Variants in TRRAP observed in about 807,000 individuals in gnomAD.
TRRAP encodes transformation/transcription domain-associated protein.
A neutral mutation model predicts 438.8 loss-of-function variants in TRRAP; 41 were observed. The ratio of observed to expected loss-of-function variants is 0.09; its 90% CI spans 0.07 to 0.12. TRRAP has a LOEUF of 0.12. TRRAP is among the 10% of genes least tolerant of loss of function. The pLI, the probability that TRRAP is intolerant of heterozygous loss-of-function variation, is 1.00. For synonymous variants in TRRAP, 1,994 were observed against 1,962.9 expected, an observed-to-expected ratio of 1.02 and a Z score of -0.42; for missense variants, 3,122 against 5,055.1, an observed-to-expected ratio of 0.62 and a Z score of 11.60.
rs187927128 is a variant in TRRAP, at chr7:98,889,265, A to G, written c.151-1070A>G. ...TTAGAGATAATACCCATCTCAGACT[A>G]AATGAGAAAGACTAAAAGGTACACA... On this transcript the variant is annotated intron_variant, in intron 3 of 72. Coordinates refer to ENST00000456197, the MANE Select transcript of TRRAP (RefSeq NM_001375524.1). Among the ~76,000 whole-genome samples, 381 of 152,140 alleles carry G rather than the reference A, an allele frequency of 2.5e-3. 1 individual carries two copies. Among genetic ancestry groups the G allele is most frequent in the Admixed American group, 5.4e-3 (83 of 15,286 alleles).
intron 20 of TRRAP, among the ~76,000 whole-genome samples, chr7:98,918,531 G>T (rs1789632042): frequency 1.3e-5 from 2 of 151,802 alleles, no homozygotes; most frequent in Non-Finnish European, 2.9e-5. Context: ...CCTGGCGAGG[G>T]TTATATTCTT....
intron 69 of TRRAP, among the ~76,000 whole-genome samples, chr7:99,007,550 T>C (rs1467168192): frequency 6.6e-6 from 1 of 152,014 alleles, no homozygotes; most frequent in Non-Finnish European, 1.5e-5. Context: ...GGTTTTGCCA[T>C]GTTGGCCAGG....
Position 98,992,075 on chromosome 7 carries a change from AT to A in TRRAP, c.9757-60del, listed in dbSNP as rs1293225514. ...TTGACATTGGTTATTTTCAGTACAAATTATCTTTATCCAGAGCTCAGCAGAG... is the reference window on the plus strand; with the variant it reads ...TTGACATTGGTTATTTTCAGTACAAATATCTTTATCCAGAGCTCAGCAGAG... On this transcript the variant is annotated intron_variant, in intron 64 of 72. Coordinates refer to ENST00000456197, the MANE Select transcript of TRRAP (RefSeq NM_001375524.1). 38 of 1,569,902 alleles carry A rather than the reference AT, an allele frequency of 2.4e-5. No homozygotes were observed. The African/African-American group carries it at 4.6e-4, about 19-fold the overall frequency.
At chr7:98,937,423 G>C in intron 29 of TRRAP, 146 bp downstream of exon 29, 1 of 1,259,056 alleles carries the variant, frequency 7.9e-7, no homozygotes, top group Non-Finnish European at 1.1e-6. Context: ...ACACTAAACT[G>C]TAATAAGAAT....
intron 53 of TRRAP, among the ~76,000 whole-genome samples, chr7:98,972,951 T>C (rs1304149140): frequency 6.6e-6 from 1 of 152,158 alleles, no homozygotes; most frequent in Non-Finnish European, 1.5e-5. Context: ...GTGATAGCTC[T>C]CATGTTATGG....
At chr7:98,944,015 A>G (rs1384683169) in intron 31 of TRRAP, among the ~76,000 whole-genome samples, 3 of 152,210 alleles carry the variant, frequency 2.0e-5, no homozygotes, top group Non-Finnish European at 4.4e-5. Context: ...AGTAAGCAAA[A>G]CTAAACCAGG....
chr7:98,998,255 T>C (rs112178970), intron 67 of TRRAP, among the ~76,000 whole-genome samples: 3 of 152,206 alleles, frequency 2.0e-5, no homozygotes, highest in African/African-American at 7.2e-5. Context: ...AAAATAAATA[T>C]TTAATTTTTA....
chr7:98,899,572 T>C, intron 9 of TRRAP, 73 bp downstream of exon 9: 4 of 1,604,506 alleles, frequency 2.5e-6, no homozygotes, highest in Non-Finnish European at 3.4e-6. Context: ...GGCCAAAAGA[T>C]GTGTATAATA....
chr7:98,993,784 G>A (rs374499904), intron 66 of TRRAP, 47 bp downstream of exon 66: 205 of 1,581,374 alleles, frequency 1.3e-4, no homozygotes, highest in Non-Finnish European at 1.7e-4. Context: ...TAGAGGGGAC[G>A]TGGTGTTCTG....
chr7:98,894,541 TGAAA>T (rs1796109031), intron 6 of TRRAP, among the ~76,000 whole-genome samples: 1 of 151,960 alleles, frequency 6.6e-6, no homozygotes, highest in African/African-American at 2.4e-5. Context: ...AGCATAAAGA[TGAAA>T]TAGGATTCCT....
intron 1 of TRRAP, among the ~76,000 whole-genome samples, chr7:98,879,189 C>T (rs1554402638): frequency 6.6e-6 from 1 of 152,114 alleles, no homozygotes; most frequent in Non-Finnish European, 1.5e-5. Flanking sequence ...GGAGCAGGCC[C>T]GGCGCCAGCC....
chr7:99,011,175 A>G lies in TRRAP; in HGVS notation c.11062A>G (p.Ile3688Val). 1.2e-6 allele frequency: 2 copies of G among 1,614,104 alleles called. No individual in the cohort carries two copies. The highest frequency in any genetic ancestry group is 1.1e-5 in the South Asian group (1 of 91,070). Residue 3688 changes from isoleucine (I) to valine (V), a missense_variant, in exon 71 of 73, where the codon ATC becomes GTC. Physicochemically the swap from Ile to Val is conservative, Grantham distance 29. Transcript: ENST00000456197. The surrounding 1 kb of genome is among the most constrained non-coding windows in gnomAD (Gnocchi z 7.1). ...CTGGACGTTCCGGAAGATGTTCACC[A>G]TCCAGCTGGCTCTGATAGGCTTCGC... ...DYWTFRKMFT[I>V]QLALIGFAEF...
chr7:99,000,819 C>T (rs1458998752), intron 67 of TRRAP, among the ~76,000 whole-genome samples: 1 of 152,204 alleles, frequency 6.6e-6, no homozygotes, highest in Non-Finnish European at 1.5e-5. Context: ...CACCCTGTCT[C>T]GAGTTTGGGG....
At chr7:98,945,452 A>G (rs1442174502) in intron 31 of TRRAP, among the ~76,000 whole-genome samples, 1 of 152,236 alleles carries the variant, frequency 6.6e-6, no homozygotes, top group African/African-American at 2.4e-5. Flanking sequence ...CTTGCATACA[A>G]CAAGGTCTTC....
Position 98,961,321 on chromosome 7 carries a change from C to T in TRRAP, c.6550C>T (p.Leu2184=), listed in dbSNP as rs1470537596. The T allele has an allele frequency of 2.5e-6, 4 of 1,614,218 alleles. No homozygotes were observed. The highest frequency in any genetic ancestry group is 3.3e-5 in the Admixed American group (2 of 60,020). The part of the protein sequence containing the change: ...ICTGLEVLSF[L]LTVLQSPAIL... ...CACGGGCCTAGAAGTGCTGAGCTTCCTGCTAACTGTCCTCCAGTCCCCAGC... is the reference window on the plus strand; with the variant it reads ...CACGGGCCTAGAAGTGCTGAGCTTCTTGCTAACTGTCCTCCAGTCCCCAGC... Residue 2184 remains leucine, a synonymous_variant, in exon 46 of 73, where the codon CTG becomes TTG. Transcript: ENST00000456197.
Position 98,908,480 on chromosome 7 carries a change from C to G in TRRAP, c.1116-248C>G, listed in dbSNP as rs1010751259. Among the ~76,000 whole-genome samples, 1 of 152,214 alleles carries G rather than the reference C, an allele frequency of 6.6e-6. No individual in the cohort carries two copies. Among genetic ancestry groups the G allele is most frequent in the South Asian group, 2.1e-4 (1 of 4,828 alleles). ...TTGGCTTAGCTGTATGTGCCAGCAT[C>G]TATTAGTAACTTTATGACGTGCACA... On this transcript the variant is annotated intron_variant, in intron 13 of 72. Transcript: ENST00000456197. The surrounding 1 kb of genome is among the most constrained non-coding windows in gnomAD (Gnocchi z 4.1).
rs1796961133 is a variant in TRRAP at position 98,909,504 on chromosome 7, CAGGCAGCGCTTGAA to C, written c.1350+545_1351-536del. Among the ~76,000 whole-genome samples the C allele has an allele frequency of 3.3e-5, 5 of 152,308 alleles. No individual in the cohort carries two copies. The South Asian group carries it at 1.0e-3, about 32-fold the overall frequency. On this transcript the variant is annotated intron_variant, in intron 14 of 72. Transcript: ENST00000456197. ...CATAGGATCGCTGTGGGAGTTAAATCAGGCAGCGCTTGAAAGCTCTTAGCACACTTCCTGGCAAG... is the reference window on the plus strand; with the variant it reads ...CATAGGATCGCTGTGGGAGTTAAATCAGCTCTTAGCACACTTCCTGGCAAG...
At chr7:98,986,076 G>A (rs1177010081) in intron 62 of TRRAP, among the ~76,000 whole-genome samples, 1 of 152,172 alleles carries the variant, frequency 6.6e-6, no homozygotes, top group East Asian at 1.9e-4. Flanking sequence ...CTTTCACTTA[G>A]CAGGATGTTT....
intron 62 of TRRAP, among the ~76,000 whole-genome samples, chr7:98,987,937 G>T (rs1046959547): frequency 6.6e-6 from 1 of 151,740 alleles, no homozygotes; most frequent in African/African-American, 2.4e-5. Flanking sequence ...AGATGATTGT[G>T]TTTTTTTTCC....
Sources: allele counts gnomAD v4.1 joint callset (sites outside exome capture counted in the v4.1 genomes callset), GRCh38; gene constraint gnomAD v4.1.1; non-coding constraint Gnocchi (gnomAD v3.1); transcripts MANE v1.5; gene names NCBI Gene and HGNC (gene_info 2026-07-23, HGNC 2026-07-21).